BCAR3: variants seen among roughly 807,000 people sequenced by gnomAD.
BCAR3 encodes the protein BCAR3 adaptor protein, NSP family member.
In BCAR3, 37 loss-of-function variants were observed where a neutral mutation model predicts 80.1. The ratio of observed to expected loss-of-function variants is 0.46; its 90% CI spans 0.36 to 0.61. The LOEUF is 0.61. Among genes scored for constraint, BCAR3 ranks in the 20% least tolerant of loss-of-function variants. The pLI is 0.00. For synonymous variants in BCAR3, 389 were observed against 418.9 expected (o/e 0.93, Z 0.87); for missense variants, 978 against 1,068.2 (o/e 0.92, Z 1.18).
At chr1:93,837,126 G>A (rs12141049) in intron 2 of BCAR3, among the ~76,000 whole-genome samples, 19,073 of 152,172 alleles carry the variant, frequency 0.13, 1,780 homozygotes, top group African/African-American at 0.25. Flanking sequence ...GCTAAGGCAG[G>A]AGAATCGCTT....
intron 2 of BCAR3, among the ~76,000 whole-genome samples, chr1:93,736,129 T>C (rs1650962843): frequency 2.0e-5 from 3 of 152,240 alleles, no homozygotes; most frequent in Admixed American, 2.0e-4. Flanking sequence ...TGCAATTCCA[T>C]TTTAAAACAA....
intron 2 of BCAR3, among the ~76,000 whole-genome samples, chr1:93,786,377 G>C (rs763756084): frequency 1.3e-5 from 2 of 152,088 alleles, no homozygotes; most frequent in Non-Finnish European, 2.9e-5. Flanking sequence ...TTAGCCAAAA[G>C]CTAGCTCTAA....
At chr1:93,683,275 CA>C (rs1265335413), upstream of BCAR3, among the ~76,000 whole-genome samples, 1 of 152,104 alleles carries the variant, frequency 6.6e-6, no homozygotes, top group Non-Finnish European at 1.5e-5. Flanking sequence ...CCCAAAAATG[CA>C]AATTGATATT....
At chr1:93,567,210 T>C in intron 11 of BCAR3, 69 bp downstream of exon 11, 4 of 1,557,088 alleles carry the variant, frequency 2.6e-6, no homozygotes, top group South Asian at 1.1e-5. Context: ...AAGTCAGCCA[T>C]GCTCTTCCAT....
intron 1 of BCAR3, among the ~76,000 whole-genome samples, chr1:93,675,649 C>A (rs992955571): frequency 1.3e-5 from 2 of 151,624 alleles, no homozygotes; most frequent in African/African-American, 4.9e-5. Context: ...CCCATGGGTG[C>A]CTGTACAGTC....
chr1:93,605,653 T>G, intron 3 of BCAR3: 1 of 152,238 alleles, frequency 6.6e-6, no homozygotes, highest in Non-Finnish European at 1.5e-5. Context: ...ATTCAACATC[T>G]TAATGCAAAT....
rs373764034 is a variant in BCAR3, at chr1:93,822,391, G to A, written c.-63+23176C>T. Among the ~76,000 whole-genome samples, 39 of 151,566 alleles carry A rather than the reference G, an allele frequency of 2.6e-4. 3 individuals carry two copies. The highest frequency in any genetic ancestry group is 1.2e-3 in the Admixed American group (18 of 15,204). On this transcript the variant is annotated intron_variant, in intron 2 of 13. Coordinates refer to the BCAR3 transcript ENST00000370244. ...TTTTGCTCTTGTTGTCCAGGCTGGA[G>A]TGCAATGGCGTGGTCTTGGCTCACT... is the stretch of plus-strand genomic sequence containing the variant.
chr1:93,672,805 GT>G (rs1648277802), intron 2 of BCAR3, among the ~76,000 whole-genome samples: 1 of 152,164 alleles, frequency 6.6e-6, no homozygotes, highest in Non-Finnish European at 1.5e-5. Context: ...CTCTCTAGTG[GT>G]TTCTATGGAG....
intron 3 of BCAR3, among the ~76,000 whole-genome samples, chr1:93,613,649 C>A (rs1252217790): frequency 6.6e-6 from 1 of 152,158 alleles, no homozygotes; most frequent in Non-Finnish European, 1.5e-5. Flanking sequence ...GACAAGGAGC[C>A]CTGTTCTGTG....
chr1:93,614,178 AG>A (rs1675036916), intron 3 of BCAR3: 2 of 1,254,184 alleles, frequency 1.6e-6, no homozygotes, highest in Non-Finnish European at 2.0e-6. Context: ...CCATGCACAC[AG>A]TGCCAGAAAT....
intron 2 of BCAR3, among the ~76,000 whole-genome samples, chr1:93,841,775 C>T (rs1654968765): frequency 6.6e-6 from 1 of 152,180 alleles, no homozygotes; most frequent in African/African-American, 2.4e-5. Flanking sequence ...GGCACAGAAC[C>T]ATGCCTGACT....
At chr1:93,593,797 C>T (rs1674311107) in intron 3 of BCAR3, among the ~76,000 whole-genome samples, 1 of 152,214 alleles carries the variant, frequency 6.6e-6, no homozygotes, top group East Asian at 1.9e-4. Flanking sequence ...TCCTCTAGTG[C>T]TTCTTTGCAC....
At chr1:93,691,685 T>A (rs1649195423) in intron 3 of BCAR3, among the ~76,000 whole-genome samples, 1 of 152,044 alleles carries the variant, frequency 6.6e-6, no homozygotes, top group African/African-American at 2.4e-5. Flanking sequence ...GGAAGGAATG[T>A]GCATCTGTGA....
intron 2 of BCAR3, among the ~76,000 whole-genome samples, chr1:93,765,625 T>G (rs1652118593): frequency 6.6e-6 from 1 of 152,132 alleles, no homozygotes. Flanking sequence ...ATCATTATTT[T>G]TGTGTGTGTG....
chr1:93,761,322 A>C (rs763176593), intron 2 of BCAR3, among the ~76,000 whole-genome samples: 66 of 152,328 alleles, frequency 4.3e-4, no homozygotes, highest in Middle Eastern at 6.8e-3. Context: ...GAACACAACC[A>C]GTGTAGAACT....
intron 2 of BCAR3, among the ~76,000 whole-genome samples, chr1:93,756,705 G>A (rs79396302): frequency 0.011 from 1,702 of 152,290 alleles, 16 homozygotes; most frequent in South Asian, 0.024. Flanking sequence ...TATTCCATTT[G>A]GAAAGAAGTG....
chr1:93,776,252 C>T (rs545116048), intron 2 of BCAR3, among the ~76,000 whole-genome samples: 4 of 152,136 alleles, frequency 2.6e-5, no homozygotes, highest in African/African-American at 4.8e-5. Flanking sequence ...AGAAAATGTC[C>T]GCATATGAAG....
intron 2 of BCAR3, among the ~76,000 whole-genome samples, chr1:93,801,988 C>T (rs34028800): frequency 0.14 from 21,472 of 151,906 alleles, 2,476 homozygotes; most frequent in African/African-American, 0.31. Context: ...TGTGGCAGCA[C>T]GTGCCTGTAA....
At chr1:93,725,743 T>C (rs1650559643) in intron 2 of BCAR3, among the ~76,000 whole-genome samples, 1 of 152,256 alleles carries the variant, frequency 6.6e-6, no homozygotes, top group African/African-American at 2.4e-5. Context: ...TCTTTCACAT[T>C]GAAATCATTA....
Sources: allele counts gnomAD v4.1 joint callset (sites outside exome capture counted in the v4.1 genomes callset), GRCh38; gene constraint gnomAD v4.1.1; transcripts MANE v1.5; gene names NCBI Gene and HGNC (gene_info 2026-07-23, HGNC 2026-07-21).